The following XKR4 variants were observed in gnomAD, a reference collection of about 807,000 sequenced individuals.
XKR4 encodes XK-related protein 4.
Under a neutral mutation model 53.9 loss-of-function variants are expected in XKR4, and 12 were observed. That is an observed-to-expected ratio of 0.22 (90% CI 0.14 to 0.36). XKR4 has a LOEUF of 0.36. Among genes scored for constraint, XKR4 ranks in the 10% least tolerant of loss-of-function variants. The pLI is 1.00. For synonymous variants in XKR4, 354 were observed against 362.4 expected (o/e 0.98, Z 0.26); for missense variants, 799 against 859.5 (o/e 0.93, Z 0.88).
chr8:55,244,402 C>T (rs555018679), intron 1 of XKR4, among the ~76,000 whole-genome samples: 2 of 152,330 alleles, frequency 1.3e-5, no homozygotes, highest in African/African-American at 4.8e-5. Context: ...TGATCACATT[C>T]TTTTTTATGG....
intron 2 of XKR4, among the ~76,000 whole-genome samples, chr8:55,463,760 T>A (rs1161131053): frequency 2.6e-5 from 4 of 151,086 alleles, no homozygotes; most frequent in African/African-American, 4.9e-5. Flanking sequence ...GAGAGAAGAA[T>A]CAAATAGACG....
intron 1 of XKR4, among the ~76,000 whole-genome samples, chr8:55,321,363 T>C (rs1488089044): frequency 6.6e-6 from 1 of 152,198 alleles, no homozygotes; most frequent in Non-Finnish European, 1.5e-5. Context: ...TTACTGAAAG[T>C]GTTGTCTACA....
chr8:55,276,632 G>A (rs1280061317), intron 1 of XKR4, among the ~76,000 whole-genome samples: 3 of 152,156 alleles, frequency 2.0e-5, no homozygotes, highest in South Asian at 4.1e-4. Context: ...CAATTTCTGA[G>A]AATCCTGCTA....
At position 55,525,085 on chromosome 8, in the gene XKR4, T is replaced by C. The variant is rs955953747; in HGVS notation, c.*858T>C. 1 of 152,456 alleles carries C rather than the reference T, an allele frequency of 6.6e-6. No homozygotes were observed. Among genetic ancestry groups the C allele is most frequent in the African/African-American group, 2.4e-5 (1 of 41,458 alleles). 9.4% of individuals were successfully genotyped at this position (152,456 alleles called of 1,614,324 possible). ...AGTGGGGAAAAAGGCAAAATGAGAG[T>C]CTGATTCCCAGGCATGTGCAGCGCC... On this transcript the variant is annotated 3_prime_UTR_variant, in exon 3 of 3. Transcript: ENST00000327381.
At chr8:55,246,665 G>A (rs2129369020) in intron 1 of XKR4, among the ~76,000 whole-genome samples, 1 of 151,610 alleles carries the variant, frequency 6.6e-6, no homozygotes, top group Non-Finnish European at 1.5e-5. Context: ...AGAGTCATGG[G>A]TATTCTGTAA....
intron 2 of XKR4, among the ~76,000 whole-genome samples, chr8:55,429,935 A>G (rs1805074786): frequency 6.6e-6 from 1 of 152,178 alleles, no homozygotes; most frequent in Non-Finnish European, 1.5e-5. Flanking sequence ...CTCAAAACTC[A>G]ACAATAAAAA....
At chr8:55,128,428 A>G (rs996643523) in intron 1 of XKR4, among the ~76,000 whole-genome samples, 3 of 152,228 alleles carry the variant, frequency 2.0e-5, no homozygotes, top group Non-Finnish European at 2.9e-5. Flanking sequence ...AGACACTCAC[A>G]GGCTGCTGAG....
At chr8:55,354,711 A>G in intron 1 of XKR4, among the ~76,000 whole-genome samples, 1 of 129,802 alleles carries the variant, frequency 7.7e-6, no homozygotes, top group African/African-American at 4.4e-5. Flanking sequence ...CAATGAAACA[A>G]AAAAAAAACA....
chr8:55,248,703 T>G (rs560300523), intron 1 of XKR4, among the ~76,000 whole-genome samples: 1 of 152,324 alleles, frequency 6.6e-6, no homozygotes, highest in African/African-American at 2.4e-5. Flanking sequence ...TATAAGCAGA[T>G]TTATGTTTCA....
At chr8:55,226,758 C>A (rs893357530) in intron 1 of XKR4, among the ~76,000 whole-genome samples, 1 of 152,208 alleles carries the variant, frequency 6.6e-6, no homozygotes, top group African/African-American at 2.4e-5. Context: ...TCTAACAGAT[C>A]TTACCCTCCC....
intron 1 of XKR4, among the ~76,000 whole-genome samples, chr8:55,342,104 G>C (rs994441510): frequency 6.6e-6 from 1 of 151,916 alleles, no homozygotes. Flanking sequence ...TGTGGATCTC[G>C]CATCTAAGTT....
chr8:55,335,226 TCTA>T (rs1407575165), intron 1 of XKR4, among the ~76,000 whole-genome samples: 1 of 152,098 alleles, frequency 6.6e-6, no homozygotes, highest in East Asian at 1.9e-4. Flanking sequence ...GAAGCAGAAA[TCTA>T]AATTCACTAA....
At chr8:55,454,557 G>A (rs1805526321) in intron 2 of XKR4, 7 of 1,434,702 alleles carry the variant, frequency 4.9e-6, no homozygotes, top group Non-Finnish European at 6.7e-6. Context: ...TGATGGGCAG[G>A]GAGTCGGCCA....
chr8:55,404,142 A>G (rs1241816215), intron 2 of XKR4, among the ~76,000 whole-genome samples: 5 of 152,242 alleles, frequency 3.3e-5, no homozygotes, highest in Non-Finnish European at 5.9e-5. Context: ...AGAGTATTCA[A>G]AATACGAACA....
In XKR4 at chr8:55,404,391, C is replaced by A. The variant is rs1038781367; in HGVS notation, c.1006+46514C>A. ...CCTTGATTACAGATCAGGAAATGAA[C>A]CCAAAGGCTTATTTAGGAACCATGA... On this transcript the variant is annotated intron_variant, in intron 2 of 2. Transcript: ENST00000327381. Among the ~76,000 whole-genome samples the A allele has an allele frequency of 3.9e-5, 6 of 152,056 alleles. 1 individual carries two copies. The highest frequency in any genetic ancestry group is 7.4e-5 in the Non-Finnish European group (5 of 68,018).
intron 1 of XKR4, among the ~76,000 whole-genome samples, chr8:55,329,803 T>C (rs1231897313): frequency 6.6e-6 from 1 of 152,190 alleles, no homozygotes; most frequent in African/African-American, 2.4e-5. Context: ...TGTGTTTCCC[T>C]GTCTATGCCC....
At chr8:55,375,870 A>C (rs1194371462) in intron 2 of XKR4, among the ~76,000 whole-genome samples, 1 of 151,978 alleles carries the variant, frequency 6.6e-6, no homozygotes, top group African/African-American at 2.4e-5. Context: ...CTTTTCCCTG[A>C]TGCGATCCCC....
At chr8:55,201,568 G>C (rs1441890327) in intron 1 of XKR4, among the ~76,000 whole-genome samples, 1 of 152,188 alleles carries the variant, frequency 6.6e-6, no homozygotes, top group East Asian at 1.9e-4. Flanking sequence ...GCCCCCTCCT[G>C]TCTCCACTTT....
At chr8:55,354,791 G>A (rs1292138721) in intron 1 of XKR4, among the ~76,000 whole-genome samples, 1 of 151,042 alleles carries the variant, frequency 6.6e-6, no homozygotes, top group Non-Finnish European at 1.5e-5. Flanking sequence ...TTTTAAAATT[G>A]TAAAAGCTAT....
Sources: gnomAD v4.1 joint callset for allele counts (sites outside exome capture counted in the v4.1 genomes callset) on GRCh38, gnomAD v4.1.1 for gene constraint, MANE v1.5 for transcripts, NCBI Gene and HGNC (gene_info 2026-07-23, HGNC 2026-07-21) for gene names.